Variants in CDC16 observed in about 807,000 individuals in gnomAD.
The protein encoded by CDC16 is cell division cycle 16.
Under a neutral mutation model 87.0 loss-of-function variants are expected in CDC16, and 34 were observed. The ratio of observed to expected loss-of-function variants is 0.39; its 90% CI spans 0.30 to 0.52. The LOEUF (loss-of-function observed/expected upper bound fraction) is 0.52. Ranked by LOEUF, CDC16 falls within the 20% of genes least tolerant of loss-of-function variation. The pLI, the probability that CDC16 is intolerant of heterozygous loss-of-function variation, is 0.74. For synonymous variants in CDC16, 263 were observed against 260.6 expected, an observed-to-expected ratio of 1.01 and a Z score of -0.09; for missense variants, 653 against 751.9, an observed-to-expected ratio of 0.87 and a Z score of 1.54.
chr13:114,239,247 A>C (rs769885696), intron 4 of CDC16, 103 bp from the exon 5 acceptor site: 26 of 1,490,880 alleles, frequency 1.7e-5, no homozygotes, highest in Non-Finnish European at 2.3e-5. Flanking sequence ...GACATTTCAC[A>C]TTTAAATAAT....
intron 5 of CDC16, among the ~76,000 whole-genome samples, chr13:114,240,006 G>A (rs2081463917): frequency 8.0e-6 from 1 of 125,050 alleles, no homozygotes; most frequent in African/African-American, 4.3e-5. Context: ...TCACTAATCT[G>A]GATTTAAAAA....
chr13:114,242,515 T>C (rs1310757898), intron 6 of CDC16: 9 of 488,734 alleles, frequency 1.8e-5, no homozygotes, highest in Non-Finnish European at 2.5e-5. Flanking sequence ...TGAGAAGTGA[T>C]TGAGATAGTA....
intron 11 of CDC16, among the ~76,000 whole-genome samples, chr13:114,250,281 TCAGGAGTTCAAGAC>T (rs1229510957): frequency 6.6e-6 from 1 of 151,962 alleles, no homozygotes; most frequent in East Asian, 1.9e-4. Context: ...GCACCTGAGG[TCAGGAGTTCAAGAC>T]CAGCCTGACC....
intron 5 of CDC16, among the ~76,000 whole-genome samples, chr13:114,241,080 T>C (rs934358253): frequency 2.0e-5 from 3 of 152,176 alleles, no homozygotes; most frequent in African/African-American, 7.2e-5. Context: ...TTAAATTCAG[T>C]TATGTGTTCG....
chr13:114,245,777 C>T (rs17291201), intron 9 of CDC16: 17,724 of 467,500 alleles, frequency 0.038, 465 homozygotes, highest in Non-Finnish European at 0.048. Context: ...CTGCAGTATT[C>T]GGGAAGTGCT....
At chr13:114,250,134 G>C (rs2082085746) in intron 11 of CDC16, among the ~76,000 whole-genome samples, 1 of 152,154 alleles carries the variant, frequency 6.6e-6, no homozygotes, top group Non-Finnish European at 1.5e-5. Context: ...GCTGCAGTGA[G>C]CTATGATCAT....
rs150083496 is a variant in CDC16 at position 114,242,152 on chromosome 13, A to G, written c.413A>G (p.Lys138Arg). The change falls in exon 6 of 18, where the codon AAA becomes AGA. Residue 138 changes from lysine (K) to arginine (R), a missense_variant. Physicochemically the swap from Lys to Arg is conservative, Grantham distance 26 (BLOSUM62 2). Transcript: ENST00000356221. ...IKSSICLLRG[K>R]IYDALDNRTL... The stretch of plus-strand genomic sequence containing the variant: ...AGTTCTATCTGTCTTCTACGCGGGA[A>G]AATCTATGATGCTCTAGATAACCGA... The G allele has an allele frequency of 3.2e-5, 51 of 1,611,598 alleles. No individual in the cohort carries two copies. Among genetic ancestry groups the G allele is most frequent in the Non-Finnish European group, 3.9e-5 (46 of 1,179,384 alleles).
chr13:114,247,146 C>G, intron 11 of CDC16, 142 bp downstream of exon 11: 1 of 611,504 alleles, frequency 1.6e-6, no homozygotes, highest in Non-Finnish European at 2.9e-6. Context: ...TTTTCTTTCT[C>G]TCTTTCTTTC....
intron 11 of CDC16, among the ~76,000 whole-genome samples, chr13:114,249,475 C>T (rs1399910401): frequency 1.3e-5 from 2 of 152,070 alleles, no homozygotes. Context: ...GGGACCCCTG[C>T]TCTACATGAA....
intron 6 of CDC16, chr13:114,242,635 C>T (rs552359314): frequency 6.1e-5 from 12 of 195,914 alleles, no homozygotes; most frequent in Middle Eastern, 2.2e-3. Context: ...AGAGCAGATG[C>T]TTTAAAGCTC....
Position 114,236,828 on chromosome 13 carries a change from C to T in CDC16, c.133C>T (p.Gln45Ter). Reference protein sequence around the residue: ...EEPQDIYWLAQCLYLTAQYHR... With the variant: ...EEPQDIYWLA ...ACCCCAGGACATCTATTGGTTGGCT[C>T]AGTGTCTTTACCTGACAGCACAATA... Residue 45 changes from glutamine to a stop codon, truncating the protein, a stop_gained, in exon 3 of 18, where the codon CAG becomes TAG. Coordinates refer to ENST00000356221, the MANE Select transcript of CDC16 (RefSeq NM_001078645.3). LOFTEE classifies it high-confidence loss of function. 1 of 1,613,440 alleles carries T rather than the reference C, an allele frequency of 6.2e-7. No homozygotes were observed. The highest frequency in any genetic ancestry group is 8.5e-7 in the Non-Finnish European group (1 of 1,179,668).
Position 114,236,639 on chromosome 13 carries a change from A to G in CDC16, c.49-6A>G, listed in dbSNP as rs1265604475. 1.9e-6 allele frequency: 3 copies of G among 1,577,152 alleles called. No homozygotes were observed. Among genetic ancestry groups the G allele is most frequent in the Admixed American group, 1.9e-5 (1 of 52,748 alleles). On this transcript the variant is annotated splice_polypyrimidine_tract_variant and splice_region_variant and intron_variant, in intron 1 of 17. Coordinates refer to ENST00000356221, the MANE Select transcript of CDC16 (RefSeq NM_001078645.3). ...GTTACCACCTTTTTTTTTTTTTGGT[A>G]TGCAGCAACAGTATCAAAGTGCTCT... is the stretch of plus-strand genomic sequence containing the variant.
rs557003485 is a variant in CDC16 at position 114,246,887 on chromosome 13, T to C, written c.898-44T>C. 1.0e-4 allele frequency: 120 copies of C among 1,190,966 alleles called. No homozygotes were observed. In the South Asian group the frequency reaches 1.3e-3, roughly 13 times the overall value. 73.8% of individuals were successfully genotyped at this position (1,190,966 alleles called of 1,614,324 possible). On this transcript the variant is annotated intron_variant, in intron 10 of 17. Transcript: ENST00000356221. ...ATTTGTTGCAGATTCCAATTAGATA[T>C]TCCAATTCCAATCTTTGTTTATGGT...
At position 114,236,630 on chromosome 13, in the gene CDC16, T is replaced by G; in HGVS notation, c.49-15T>G. On this transcript the variant is annotated splice_polypyrimidine_tract_variant and intron_variant, in intron 1 of 17. Transcript: ENST00000356221. ...AACAGGGCAGTTACCACCTTTTTTT[T>G]TTTTTGGTATGCAGCAACAGTATCA... is the stretch of plus-strand genomic sequence containing the variant. 1 of 1,606,378 alleles carries G rather than the reference T, an allele frequency of 6.2e-7. No homozygotes were observed. Among genetic ancestry groups the G allele is most frequent in the Non-Finnish European group, 8.5e-7 (1 of 1,178,376 alleles).
intron 12 of CDC16, among the ~76,000 whole-genome samples, chr13:114,252,596 T>C (rs1157152778): frequency 6.6e-6 from 1 of 152,112 alleles, no homozygotes; most frequent in African/African-American, 2.4e-5. Context: ...GAAGCTCAGC[T>C]CCAGTATCTG....
chr13:114,257,786 T>A (rs1385389470), intron 13 of CDC16, among the ~76,000 whole-genome samples: 4 of 151,982 alleles, frequency 2.6e-5, no homozygotes, highest in Admixed American at 6.6e-5. Flanking sequence ...TTTTTTTTGG[T>A]TTTTGTTTTT....
chr13:114,259,887 C>A (rs954737946), intron 14 of CDC16, among the ~76,000 whole-genome samples: 1 of 152,148 alleles, frequency 6.6e-6, no homozygotes, highest in Non-Finnish European at 1.5e-5. Context: ...TGGGCCTTTC[C>A]ATTTTAAAAT....
chr13:114,236,261 AT>A (rs1383305452), intron 1 of CDC16, among the ~76,000 whole-genome samples: 1 of 152,182 alleles, frequency 6.6e-6, no homozygotes, highest in Non-Finnish European at 1.5e-5. Context: ...TGTCTTCTAA[AT>A]TTCACTTTGG....
intron 7 of CDC16, 148 bp from the exon 8 acceptor site, chr13:114,243,708 A>G: frequency 1.7e-6 from 1 of 595,850 alleles, no homozygotes; most frequent in Non-Finnish European, 2.9e-6. Context: ...TGAGAGGAGT[A>G]CTTATAAAAC....
Sources: gnomAD v4.1 joint callset for allele counts (sites outside exome capture counted in the v4.1 genomes callset) on GRCh38, gnomAD v4.1.1 for gene constraint, MANE v1.5 for transcripts, NCBI Gene and HGNC (gene_info 2026-07-23, HGNC 2026-07-21) for gene names.